EPG5: variants seen among roughly 807,000 people sequenced by gnomAD.
EPG5 encodes ectopic P granules protein 5 homolog.
EPG5 carries 159 observed loss-of-function variants against 302.7 expected under a neutral mutation model. The ratio of observed to expected loss-of-function variants is 0.53; its 90% CI spans 0.46 to 0.60. The LOEUF is 0.60. Among genes scored for constraint, EPG5 ranks in the 20% least tolerant of loss-of-function variants. The pLI is 0.00. For missense variants in EPG5, 2,896 were observed against 3,092.4 expected (o/e 0.94, Z 1.51); for synonymous variants, 1,158 against 1,136.8 (o/e 1.02, Z -0.37).
At position 45,909,237 on chromosome 18, in the gene EPG5, G is replaced by A. The variant is rs535952732; in HGVS notation, c.4206-1156C>T. The stretch of plus-strand genomic sequence containing the variant: ...AAGTAGTTCTCTCCTCCAGCTTCTG[G>A]CTCAGTGAAATAGATGGCCACTTTA... On this transcript the variant is annotated intron_variant, in intron 23 of 43. Transcript: ENST00000282041. Among the ~76,000 whole-genome samples, 6 of 152,274 alleles carry A rather than the reference G, an allele frequency of 3.9e-5. No homozygotes were observed. In the East Asian group the frequency reaches 1.2e-3, roughly 29 times the overall value.
chr18:45,867,433 C>T (rs1401918373), intron 37 of EPG5, 130 bp downstream of exon 37: 2 of 732,654 alleles, frequency 2.7e-6, no homozygotes, highest in Admixed American at 2.3e-5. Context: ...GTTAAAGGTA[C>T]ATCTCATATG....
At chr18:45,949,454 C>G in intron 5 of EPG5, 30 bp downstream of exon 5, 1 of 1,375,906 alleles carries the variant, frequency 7.3e-7, no homozygotes, top group Non-Finnish European at 1.0e-6. Flanking sequence ...CTCCCCCAAC[C>G]CCTCAGAATG....
intron 20 of EPG5, among the ~76,000 whole-genome samples, chr18:45,915,221 T>G (rs1599562553): frequency 6.6e-6 from 1 of 150,964 alleles, no homozygotes; most frequent in Admixed American, 6.6e-5. Context: ...GAGGTTGCAG[T>G]GAGCTGAGAT....
chr18:45,930,349 C>A (rs898566958), intron 12 of EPG5, among the ~76,000 whole-genome samples: 4 of 152,056 alleles, frequency 2.6e-5, no homozygotes, highest in African/African-American at 7.2e-5. Flanking sequence ...CTGCTACTAG[C>A]CAGAGTGGAA....
rs934057395 is a variant in EPG5, at chr18:45,964,508, AT to A, written c.63+2668del. On this transcript the variant is annotated intron_variant, in intron 1 of 43. Transcript: ENST00000282041. Reference sequence around the variant, plus strand: ...GCACTACTGCATTATAGGTTCAGGAATTTTTTTTTTTCTTCACTGGATAGGT... The same window carrying A: ...GCACTACTGCATTATAGGTTCAGGAATTTTTTTTTTCTTCACTGGATAGGT... Among the ~76,000 whole-genome samples the A allele has an allele frequency of 1.3e-4, 20 of 149,054 alleles. No individual in the cohort carries two copies. In the East Asian group the frequency reaches 2.1e-3, roughly 16 times the overall value.
chr18:45,868,324 C>G (rs10460074), intron 36 of EPG5, among the ~76,000 whole-genome samples: 75,145 of 149,992 alleles, frequency 0.5, 19,457 homozygotes, highest in Non-Finnish European at 0.58. Flanking sequence ...ATTTATATTG[C>G]CTTTTTCCTT....
rs761057196 is a variant in EPG5 at position 45,870,721 on chromosome 18, G to A, written c.6071C>T (p.Ala2024Val). 1.2e-6 allele frequency: 2 copies of A among 1,607,784 alleles called. No individual in the cohort carries two copies. Among genetic ancestry groups the A allele is most frequent in the Non-Finnish European group, 8.5e-7 (1 of 1,176,208 alleles). The part of the protein sequence containing the change: ...SFKDKLLPGD[A>V]GALWLHLMHY... ...CATCAGGTGCAACCAAAGGGCTCCT[G>A]CATCACCTGGCAACAGCTTATCTAG... The change falls in exon 36 of 44, where the codon GCA (alanine) becomes GTA (valine). Residue 2024 changes from alanine to valine, a missense_variant. Ala to Val is a moderately conservative substitution (Grantham distance 64, BLOSUM62 0). Around this residue, in one of 5 missense-constraint regions of EPG5, gnomAD observed 620 missense variants for 704.2 expected, o/e 0.88. Transcript: ENST00000282041.
At chr18:45,958,566 G>T (rs77403244) in intron 1 of EPG5, among the ~76,000 whole-genome samples, 1 of 152,200 alleles carries the variant, frequency 6.6e-6, no homozygotes, top group Non-Finnish European at 1.5e-5. Context: ...CAATTCAATG[G>T]GGAAATTTGA....
chr18:45,860,303 A>C lies in EPG5; in HGVS notation c.6810T>G (p.Phe2270Leu). The C allele has an allele frequency of 6.2e-7, 1 of 1,614,236 alleles. No individual in the cohort carries two copies. Among genetic ancestry groups the C allele is most frequent in the African/African-American group, 1.3e-5 (1 of 75,066 alleles). ...TGTTCATCATCATCAGGACTTCCAT[A>C]AAGAGGCTGCTGAGGGCCATGTGGC... ...QTRHMALSSL[F>L]MEVLMMMNNA... Residue 2270 changes from phenylalanine to leucine, a missense_variant, in exon 40 of 44, where the codon TTT becomes TTG. Coordinates refer to ENST00000282041, the MANE Select transcript of EPG5 (RefSeq NM_020964.3).
Position 45,867,633 on chromosome 18 carries a change from C to A in EPG5, c.6341G>T (p.Arg2114Leu), listed in dbSNP as rs769368560. Residue 2114 changes from arginine to leucine, a missense_variant, in exon 37 of 44, where the codon CGC (arginine) becomes CTC (leucine). Physicochemically the swap from Arg to Leu is moderately radical, Grantham distance 102. Around this residue, in one of 5 missense-constraint regions of EPG5, gnomAD observed 620 missense variants for 704.2 expected, o/e 0.88. Transcript: ENST00000282041. The part of the protein sequence containing the change: ...AWNSSPHPET[R>L]SMIVCLLFMM... ...GAAAAGGAGGCAGACAATCATGCTG[C>A]GGGTTTCTGGGTGGGGACTGGAATT... 1.2e-6 allele frequency: 2 copies of A among 1,614,012 alleles called. No individual in the cohort carries two copies.
chr18:45,951,797 T>C (rs2050914928), intron 3 of EPG5, among the ~76,000 whole-genome samples: 1 of 152,148 alleles, frequency 6.6e-6, no homozygotes, highest in South Asian at 2.1e-4. Flanking sequence ...AGTACATCTC[T>C]GACCTACCCC....
the EPG5 span, among the ~76,000 whole-genome samples, chr18:45,815,253 T>A: frequency 6.6e-6 from 1 of 152,206 alleles, no homozygotes; most frequent in Non-Finnish European, 1.5e-5. Context: ...TAGTAATTGC[T>A]CATTGTTTTC....
intron 12 of EPG5, among the ~76,000 whole-genome samples, chr18:45,929,655 G>A (rs1346988370): frequency 6.6e-6 from 1 of 152,144 alleles, no homozygotes; most frequent in Non-Finnish European, 1.5e-5. Flanking sequence ...CAAAACACTG[G>A]AAACTTTACT....
chr18:45,870,256 C>G (rs966221782), intron 36 of EPG5, among the ~76,000 whole-genome samples: 3 of 152,126 alleles, frequency 2.0e-5, no homozygotes, highest in Non-Finnish European at 4.4e-5. Flanking sequence ...ACAAACACAT[C>G]AATAACAACC....
In EPG5 at chr18:45,900,976, G is replaced by T; in HGVS notation, c.4646+20C>A. 6.3e-7 allele frequency: 1 copy of T among 1,595,086 alleles called. No homozygotes were observed. The highest frequency in any genetic ancestry group is 1.1e-5 in the South Asian group (1 of 89,272). On this transcript the variant is annotated intron_variant, in intron 26 of 43. Transcript: ENST00000282041. ...AGCCACCAACATGGGAACATGATCC[G>T]TGAGGCTGCATGGTCTTACCTGGCC...
At chr18:45,828,573 A>G in the EPG5 span, among the ~76,000 whole-genome samples, 1 of 152,072 alleles carries the variant, frequency 6.6e-6, no homozygotes, top group Non-Finnish European at 1.5e-5. Flanking sequence ...CATCTTCAGA[A>G]CCCCTTGTGC....
At chr18:45,901,273 G>T in intron 25 of EPG5, 106 bp from the exon 26 acceptor site, 1 of 936,686 alleles carries the variant, frequency 1.1e-6, no homozygotes, top group Non-Finnish European at 1.6e-6. Context: ...AAAATTTATA[G>T]TCTTACGATA....
intron 19 of EPG5, 152 bp downstream of exon 19, chr18:45,915,857 T>C (rs141844292): frequency 2.5e-6 from 2 of 798,176 alleles, no homozygotes; most frequent in Non-Finnish European, 3.9e-6. Context: ...GCTAGTGGAC[T>C]ACGATTATCG....
In EPG5 at chr18:45,949,398, CT is replaced by C. The variant is rs903849624; in HGVS notation, c.1497+85del. On this transcript the variant is annotated intron_variant, in intron 5 of 43. Transcript: ENST00000282041. ...AAATATTACTCTTTTTTAAATAGTCCTTTTTTTTTCAGCAATTTCTTCAGGA... is the reference window on the plus strand; with the variant it reads ...AAATATTACTCTTTTTTAAATAGTCCTTTTTTTTCAGCAATTTCTTCAGGA... 913 of 684,908 alleles carry C rather than the reference CT, an allele frequency of 1.3e-3. 2 individuals are homozygous for C. Among genetic ancestry groups the C allele is most frequent in the Non-Finnish European group, 1.5e-3 (600 of 412,300 alleles). The allele number at this position is 684,908 out of a possible 1,614,324, so 42.4% of individuals were successfully genotyped here. A position where few individuals can be genotyped will look rare whatever the true frequency, so the allele number is the denominator to read the frequency against.
Sources: gnomAD v4.1 joint callset for allele counts (sites outside exome capture counted in the v4.1 genomes callset) on GRCh38, gnomAD v4.1.1 for gene constraint, gnomAD v4.1.1 regional missense constraint, MANE v1.5 for transcripts, NCBI Gene and HGNC (gene_info 2026-07-23, HGNC 2026-07-21) for gene names.